BICD1: variants seen among roughly 807,000 people sequenced by gnomAD.
BICD1 encodes the protein BICD cargo adaptor 1, also known as protein bicaudal D homolog 1.
Under a neutral mutation model 92.5 loss-of-function variants are expected in BICD1, and 35 were observed. The ratio of observed to expected loss-of-function variants is 0.38; its 90% confidence interval spans 0.29 to 0.50. The LOEUF (loss-of-function observed/expected upper bound fraction) is 0.50, where lower values mean the gene tolerates loss of function less well. Among genes scored for constraint, BICD1 ranks in the 20% least tolerant of loss-of-function variants. The pLI is 0.93. For synonymous variants in BICD1, 429 were observed against 465.1 expected (o/e 0.92, Z 1.00); for missense variants, 950 against 1,189.8 (o/e 0.80, Z 2.97).
intron 4 of BICD1, among the ~76,000 whole-genome samples, chr12:32,322,559 T>A (rs1434112232): frequency 6.6e-6 from 1 of 152,190 alleles, no homozygotes; most frequent in Non-Finnish European, 1.5e-5. Context: ...GCCACTCACC[T>A]CCTGCTGTGT....
Position 32,337,857 on chromosome 12 carries a change from G to C in BICD1, c.2570+41G>C, listed in dbSNP as rs1028599336. 1 of 1,586,544 alleles carries C rather than the reference G, an allele frequency of 6.3e-7. No individual in the cohort carries two copies. The highest frequency in any genetic ancestry group is 1.3e-5 in the African/African-American group (1 of 74,494). On this transcript the variant is annotated intron_variant, in intron 7 of 9. Transcript: ENST00000652176. The surrounding 1 kb of genome is among the most constrained non-coding windows in gnomAD (Gnocchi z 4.7). The stretch of plus-strand genomic sequence containing the variant: ...TCTTCATAGTACGGTGCAGTGGCCA[G>C]ATTTTAGTTAACTGCAAAAATAAAT...
chr12:32,344,940 G>A (rs1250632359), intron 8 of BICD1, among the ~76,000 whole-genome samples: 1 of 152,114 alleles, frequency 6.6e-6, no homozygotes, highest in Non-Finnish European at 1.5e-5. Context: ...CCCTGTAGGG[G>A]AAGGCCTGGG....
At chr12:32,192,687 A>G (rs1442892912) in intron 1 of BICD1, among the ~76,000 whole-genome samples, 1 of 152,204 alleles carries the variant, frequency 6.6e-6, no homozygotes, top group Non-Finnish European at 1.5e-5. Flanking sequence ...GAAAGAAGCC[A>G]TTTCCATTAC....
At chr12:32,327,400 G>A (rs1948806585) in intron 4 of BICD1, 61 bp from the exon 5 acceptor site, 2 of 1,531,330 alleles carry the variant, frequency 1.3e-6, no homozygotes, top group East Asian at 2.3e-5. Context: ...ACTGTGAATG[G>A]ATTAAGTTCA....
At chr12:32,154,452 T>A (rs530858016) in intron 1 of BICD1, among the ~76,000 whole-genome samples, 1 of 152,168 alleles carries the variant, frequency 6.6e-6, no homozygotes, top group Non-Finnish European at 1.5e-5. Flanking sequence ...GTCAGCAACC[T>A]CCTCTTGACA....
At chr12:32,174,215 G>C (rs1288452135) in intron 1 of BICD1, among the ~76,000 whole-genome samples, 1 of 151,978 alleles carries the variant, frequency 6.6e-6, no homozygotes, top group Non-Finnish European at 1.5e-5. Context: ...TACAGAGTCA[G>C]ATGTATCTGT....
At chr12:32,234,384 G>A (rs1228355425) in intron 2 of BICD1, among the ~76,000 whole-genome samples, 1 of 151,844 alleles carries the variant, frequency 6.6e-6, no homozygotes, top group Non-Finnish European at 1.5e-5. Flanking sequence ...GATCACCGGA[G>A]GTCGGGGGTT....
At chr12:32,308,626 A>G (rs1592650561) in intron 4 of BICD1, among the ~76,000 whole-genome samples, 1 of 152,314 alleles carries the variant, frequency 6.6e-6, no homozygotes, top group East Asian at 1.9e-4. Context: ...CTCAAGGCCA[A>G]TCACCCCAAA....
chr12:32,302,305 A>T (rs1206358597), intron 3 of BICD1, among the ~76,000 whole-genome samples: 1 of 152,248 alleles, frequency 6.6e-6, no homozygotes. Context: ...AGCCAAATAA[A>T]GCACATCTAT....
At chr12:32,299,338 CT>C (rs528858761) in intron 3 of BICD1, among the ~76,000 whole-genome samples, 125 of 152,298 alleles carry the variant, frequency 8.2e-4, no homozygotes, top group African/African-American at 2.9e-3. Flanking sequence ...TGCTGGGGCT[CT>C]AATCACATGG....
intron 1 of BICD1, among the ~76,000 whole-genome samples, chr12:32,188,092 T>C (rs1368697880): frequency 6.6e-6 from 1 of 152,020 alleles, no homozygotes; most frequent in Non-Finnish European, 1.5e-5. Flanking sequence ...AAACCTGCCA[T>C]CATGCCTGGC....
intron 4 of BICD1, among the ~76,000 whole-genome samples, chr12:32,320,853 G>A (rs1371742969): frequency 6.8e-6 from 1 of 146,800 alleles, no homozygotes; most frequent in Non-Finnish European, 1.5e-5. Context: ...AGAAACTGAA[G>A]ATTGTAGGAA....
chr12:32,170,612 C>T lies in BICD1; in HGVS notation c.214-45635C>T, dbSNP rs1054024499. Among the ~76,000 whole-genome samples, 6 of 152,112 alleles carry T rather than the reference C, an allele frequency of 3.9e-5. No homozygotes were observed. In the East Asian group the frequency reaches 7.7e-4, roughly 20 times the overall value. Reference sequence around the variant, plus strand: ...GTCTTTTTTACACAATGCCACTGTACGGATTGTAGAGTTCTTGGGCTGGCA... The same window carrying T: ...GTCTTTTTTACACAATGCCACTGTATGGATTGTAGAGTTCTTGGGCTGGCA... On this transcript the variant is annotated intron_variant, in intron 1 of 9. Coordinates refer to ENST00000652176, the MANE Select transcript of BICD1 (RefSeq NM_001714.4).
chr12:32,306,503 A>C (rs997296402), intron 4 of BICD1, among the ~76,000 whole-genome samples: 6 of 151,930 alleles, frequency 3.9e-5, no homozygotes, highest in African/African-American at 1.4e-4. Context: ...CTTGGCCTCC[A>C]AAGTGCTGGG....
chr12:32,378,730 A>T lies in BICD1; in HGVS notation c.*1103A>T, dbSNP rs1940078899. 1 of 152,108 alleles carries T rather than the reference A, an allele frequency of 6.6e-6. No individual in the cohort carries two copies. The highest frequency in any genetic ancestry group is 1.5e-5 in the Non-Finnish European group (1 of 68,032). 9.4% of individuals were successfully genotyped at this position (152,108 alleles called of 1,614,324 possible). A position where few individuals can be genotyped will look rare whatever the true frequency, so the allele number is the denominator to read the frequency against. Reference sequence around the variant, plus strand: ...TAAAATTGTATGTTTTGTTGTTGTTAGTTTTTTTCATAACGAATCTTCCTT... The same window carrying T: ...TAAAATTGTATGTTTTGTTGTTGTTTGTTTTTTTCATAACGAATCTTCCTT... On this transcript the variant is annotated 3_prime_UTR_variant, in exon 10 of 10. Coordinates refer to ENST00000652176, the MANE Select transcript of BICD1 (RefSeq NM_001714.4).
At chr12:32,200,007 C>G (rs1454696648) in intron 1 of BICD1, among the ~76,000 whole-genome samples, 1 of 152,190 alleles carries the variant, frequency 6.6e-6, no homozygotes, top group Non-Finnish European at 1.5e-5. Flanking sequence ...TAATATTTAA[C>G]TTAACCACTC....
At chr12:32,134,032 C>T (rs1403401379) in intron 1 of BICD1, among the ~76,000 whole-genome samples, 4 of 152,076 alleles carry the variant, frequency 2.6e-5, no homozygotes, top group Non-Finnish European at 4.4e-5. Flanking sequence ...CCACCCACCT[C>T]GGCCTCCCAA....
chr12:32,340,150 T>C (rs1938309044), intron 8 of BICD1: 1 of 985,234 alleles, frequency 1.0e-6, no homozygotes, highest in Non-Finnish European at 1.2e-6. Flanking sequence ...GGATCTCTAA[T>C]ACTTTCCTTA....
At position 32,282,217 on chromosome 12, in the gene BICD1, T is replaced by C. The variant is rs1199486803; in HGVS notation, c.427-11777T>C. Among the ~76,000 whole-genome samples, 1,147 of 122,040 alleles carry C rather than the reference T, an allele frequency of 9.4e-3. 52 individuals are homozygous for C. The highest frequency in any genetic ancestry group is 0.036 in the Middle Eastern group (9 of 252). The allele number at this position is 122,040 out of a possible 152,430, so 80.1% of individuals were successfully genotyped here. A position where few individuals can be genotyped will look rare whatever the true frequency, so the allele number is the denominator to read the frequency against. ...AGGTCTTCTTCTTTTTTTTTTTTTT[T>C]TTTTTTTTTTTTTTTTTTTTTGACA... is the stretch of plus-strand genomic sequence containing the variant. On this transcript the variant is annotated intron_variant, in intron 2 of 9. Coordinates refer to ENST00000652176, the MANE Select transcript of BICD1 (RefSeq NM_001714.4).
Sources: allele counts gnomAD v4.1 joint callset (sites outside exome capture counted in the v4.1 genomes callset), GRCh38; gene constraint gnomAD v4.1.1; non-coding constraint Gnocchi (gnomAD v3.1); transcripts MANE v1.5; gene names NCBI Gene and HGNC (gene_info 2026-07-23, HGNC 2026-07-21).